The following EYS variants were observed in gnomAD, a reference collection of about 807,000 sequenced individuals.
The protein encoded by EYS is EGF-like photoreceptor maintenance factor, also known as protein eyes shut homolog.
Under a neutral mutation model 282.1 loss-of-function variants are expected in EYS, and 250 were observed. The ratio of observed to expected loss-of-function variants is 0.89; its 90% confidence interval spans 0.80 to 0.98. The LOEUF (loss-of-function observed/expected upper bound fraction) is 0.98, where lower values mean the gene tolerates loss of function less well. EYS is among the 50% of genes least tolerant of loss of function. The probability of loss-of-function intolerance (pLI) is 0.00; values close to 1 mark genes in which losing one functional copy is unlikely to be tolerated. For synonymous variants in EYS, 1,355 were observed against 1,282.9 expected, an observed-to-expected ratio of 1.06 and a Z score of -1.20; for missense variants, 4,016 against 3,709.0, an observed-to-expected ratio of 1.08 and a Z score of -2.15.
At chr6:64,116,781 T>C (rs1001756866) in intron 31 of EYS, among the ~76,000 whole-genome samples, 1 of 150,992 alleles carries the variant, frequency 6.6e-6, no homozygotes, top group African/African-American at 2.5e-5. Flanking sequence ...TTTATACTTA[T>C]ATCAGACAAA....
At chr6:65,378,889 TG>T (rs1037561839) in intron 8 of EYS, among the ~76,000 whole-genome samples, 4 of 151,442 alleles carry the variant, frequency 2.6e-5, no homozygotes, top group African/African-American at 9.7e-5. Flanking sequence ...TGTCAGGGGG[TG>T]GGGGACTAGT....
chr6:63,841,488 A>G (rs1172093570), intron 36 of EYS, among the ~76,000 whole-genome samples: 1 of 152,194 alleles, frequency 6.6e-6, no homozygotes, highest in Admixed American at 6.5e-5. Flanking sequence ...GAACTTTGGG[A>G]TTAAATGAGA....
chr6:64,023,376 G>A (rs905128729), intron 33 of EYS, among the ~76,000 whole-genome samples: 1 of 152,184 alleles, frequency 6.6e-6, no homozygotes, highest in Non-Finnish European at 1.5e-5. Flanking sequence ...TGGAATTGTG[G>A]GGGTCATATA....
At chr6:65,407,789 G>T (rs1766818425) in intron 5 of EYS, among the ~76,000 whole-genome samples, 1 of 147,626 alleles carries the variant, frequency 6.8e-6, no homozygotes, top group Non-Finnish European at 1.5e-5. Flanking sequence ...GTGTGTGTAT[G>T]TCTAACAAAT....
intron 12 of EYS, among the ~76,000 whole-genome samples, chr6:65,118,992 TTAAA>T (rs1285127975): frequency 2.0e-5 from 3 of 151,872 alleles, no homozygotes; most frequent in African/African-American, 7.2e-5. Flanking sequence ...GTTAAATATA[TTAAA>T]TAAAATCTAT....
chr6:65,680,407 C>G (rs2149838044), intron 1 of EYS, among the ~76,000 whole-genome samples: 1 of 151,920 alleles, frequency 6.6e-6, no homozygotes, highest in East Asian at 1.9e-4. Context: ...TTTTGAAAAG[C>G]AAAGAATTGA....
rs1182990953 is a variant in EYS, at chr6:63,721,846, A to G, written c.8234-49T>C. On this transcript the variant is annotated intron_variant, in intron 42 of 42. Coordinates refer to ENST00000503581, the MANE Select transcript of EYS (RefSeq NM_001142800.2). ...TTGATTAGCAACAGTAAAAGTTTCC[A>G]TTGAAAACTTTTGCTGTTTCTGGCC... is the stretch of plus-strand genomic sequence containing the variant. 7 of 1,487,628 alleles carry G rather than the reference A, an allele frequency of 4.7e-6. No individual in the cohort carries two copies. The East Asian group carries it at 1.2e-4, about 26-fold the overall frequency. 92.2% of individuals were successfully genotyped at this position (1,487,628 alleles called of 1,614,324 possible). A position where few individuals can be genotyped will look rare whatever the true frequency, so the allele number is the denominator to read the frequency against.
At chr6:65,704,445 G>A (rs1310506799) in intron 1 of EYS, among the ~76,000 whole-genome samples, 1 of 152,190 alleles carries the variant, frequency 6.6e-6, no homozygotes, top group Non-Finnish European at 1.5e-5. Flanking sequence ...TCCAGATTCA[G>A]ATTCTAAATT....
At chr6:65,683,678 C>T (rs1163559533) in intron 1 of EYS, among the ~76,000 whole-genome samples, 1 of 151,964 alleles carries the variant, frequency 6.6e-6, no homozygotes, top group African/African-American at 2.4e-5. Flanking sequence ...TAAAAACTAG[C>T]AGCACATTCA....
intron 2 of EYS, among the ~76,000 whole-genome samples, chr6:65,603,144 T>A (rs542095119): frequency 6.6e-6 from 1 of 152,002 alleles, no homozygotes; most frequent in Non-Finnish European, 1.5e-5. Flanking sequence ...ACTCTAAAGT[T>A]CAAATAACAG....
chr6:65,686,854 T>C (rs1769034689), intron 1 of EYS, among the ~76,000 whole-genome samples: 3 of 151,972 alleles, frequency 2.0e-5, no homozygotes, highest in Admixed American at 1.3e-4. Flanking sequence ...TGGTAAAAGT[T>C]AAGAGGTACT....
intron 12 of EYS, among the ~76,000 whole-genome samples, chr6:65,209,940 G>T (rs1766133357): frequency 6.6e-6 from 1 of 151,920 alleles, no homozygotes; most frequent in African/African-American, 2.4e-5. Flanking sequence ...ATTGCATCCA[G>T]CACAATGAAC....
At chr6:65,198,897 G>A (rs1179195556) in intron 12 of EYS, among the ~76,000 whole-genome samples, 1 of 152,080 alleles carries the variant, frequency 6.6e-6, no homozygotes, top group East Asian at 1.9e-4. Flanking sequence ...GGGGTGCTGA[G>A]GCAAGAGACA....
intron 28 of EYS, among the ~76,000 whole-genome samples, chr6:64,431,825 C>T (rs998506110): frequency 6.6e-6 from 1 of 152,076 alleles, no homozygotes; most frequent in Non-Finnish European, 1.5e-5. Context: ...AAGGAACACC[C>T]TTCTCCTATT....
chr6:64,132,767 A>G (rs1226537306), intron 31 of EYS, among the ~76,000 whole-genome samples: 1 of 151,396 alleles, frequency 6.6e-6, no homozygotes, highest in African/African-American at 2.4e-5. Context: ...TATACTTTGC[A>G]ATAAAATAAA....
chr6:64,705,409 A>G (rs1220634698), intron 22 of EYS, among the ~76,000 whole-genome samples: 1 of 152,182 alleles, frequency 6.6e-6, no homozygotes, highest in Non-Finnish European at 1.5e-5. Flanking sequence ...TGCCAAAAGC[A>G]ATCTACAAAA....
chr6:65,348,216 T>A (rs2150323238), intron 9 of EYS, among the ~76,000 whole-genome samples: 1 of 151,930 alleles, frequency 6.6e-6, no homozygotes, highest in East Asian at 1.9e-4. Flanking sequence ...ATCTCTTCAA[T>A]ATACTTATCC....
intron 2 of EYS, among the ~76,000 whole-genome samples, chr6:65,613,528 A>T (rs1766076509): frequency 6.6e-6 from 1 of 151,886 alleles, no homozygotes. Flanking sequence ...ACCCTGAAAT[A>T]TTCTGTGTGT....
intron 12 of EYS, among the ~76,000 whole-genome samples, chr6:65,167,760 T>G (rs955136248): frequency 6.6e-6 from 1 of 151,356 alleles, no homozygotes; most frequent in African/African-American, 2.4e-5. Flanking sequence ...GGATTCCAAG[T>G]GCCTGTATTT....
Sources: gnomAD v4.1 joint callset for allele counts (sites outside exome capture counted in the v4.1 genomes callset) on GRCh38, gnomAD v4.1.1 for gene constraint, MANE v1.5 for transcripts, NCBI Gene and HGNC (gene_info 2026-07-23, HGNC 2026-07-21) for gene names.